Variants in SLC41A3 observed in about 807,000 individuals in gnomAD.
The protein encoded by SLC41A3 is solute carrier family 41 member 3.
A neutral mutation model predicts 45.4 loss-of-function variants in SLC41A3; 44 were observed. The ratio of observed to expected loss-of-function variants is 0.97; its 90% CI spans 0.76 to 1.25. SLC41A3 has a LOEUF of 1.25. SLC41A3 is among the 50% of genes most tolerant of loss of function. The pLI is 0.00. For missense variants in SLC41A3, 550 were observed against 600.6 expected, an observed-to-expected ratio of 0.92 and a Z score of 0.88; for synonymous variants, 256 against 252.4, an observed-to-expected ratio of 1.01 and a Z score of -0.13.
intron 2 of SLC41A3, among the ~76,000 whole-genome samples, chr3:126,059,650 C>T (rs1042386210): frequency 7.2e-5 from 11 of 152,160 alleles, no homozygotes; most frequent in African/African-American, 2.7e-4. Flanking sequence ...GGGCTGCCTG[C>T]CAACCCCATC....
In SLC41A3 at chr3:126,006,446, A is replaced by G. The variant is rs1939102759; in HGVS notation, c.*570T>C. On this transcript the variant is annotated 3_prime_UTR_variant, in exon 11 of 11. Coordinates refer to ENST00000360370, the MANE Select transcript of SLC41A3 (RefSeq NM_017836.4). ...TTGCTAACAAACAAAAAGGAAAATA[A>G]AAAGACAGCAAGGACACGATTAAAT... is the stretch of plus-strand genomic sequence containing the variant. 6.2e-7 allele frequency: 1 copy of G among 1,612,762 alleles called. No homozygotes were observed.
At chr3:126,073,231 A>G (rs999033709) in intron 1 of SLC41A3, 1 of 152,340 alleles carries the variant, frequency 6.6e-6, no homozygotes, top group Non-Finnish European at 1.5e-5. Context: ...GCTTGAGCTC[A>G]GGAGTTGAAG....
At chr3:126,082,757 G>A (rs1945226841) in intron 1 of SLC41A3, among the ~76,000 whole-genome samples, 1 of 152,178 alleles carries the variant, frequency 6.6e-6, no homozygotes, top group African/African-American at 2.4e-5. Flanking sequence ...CGGGGACCTG[G>A]ACCCAGCAGC....
At chr3:126,031,826 G>C (rs1249686593) in intron 4 of SLC41A3, among the ~76,000 whole-genome samples, 6 of 152,206 alleles carry the variant, frequency 3.9e-5, no homozygotes, top group African/African-American at 1.4e-4. Context: ...CCCCTTGCTA[G>C]ACCTTGTGTT....
chr3:126,017,853 C>T (rs1468117861), intron 6 of SLC41A3, among the ~76,000 whole-genome samples: 3 of 152,194 alleles, frequency 2.0e-5, no homozygotes, highest in Admixed American at 1.3e-4. Flanking sequence ...AGACAAGGTA[C>T]TTTATGGTAG....
chr3:126,090,028 C>CTTTTTTTTTTTTTTTTTTTTTT (rs59737864), intron 1 of SLC41A3, among the ~76,000 whole-genome samples: 2 of 99,334 alleles, frequency 2.0e-5, no homozygotes, highest in Non-Finnish European at 2.0e-5. Context: ...TCAAGAAAAT[C>CTTTTTTTTTTTTTTTTTTTTTT]TTTTTTTTTT....
chr3:126,015,378 G>A, intron 8 of SLC41A3, 116 bp downstream of exon 8: 1 of 1,006,378 alleles, frequency 9.9e-7, no homozygotes, highest in Non-Finnish European at 1.5e-6. Context: ...CGGCTCAGCT[G>A]CCCAACTGCC....
At chr3:126,087,289 C>T (rs1490536600), upstream of SLC41A3, among the ~76,000 whole-genome samples, 1 of 152,000 alleles carries the variant, frequency 6.6e-6, no homozygotes, top group East Asian at 1.9e-4. Flanking sequence ...AAATTCACAG[C>T]TATAAAAATG....
chr3:126,054,611 T>G (rs1243493777), intron 2 of SLC41A3, among the ~76,000 whole-genome samples: 2 of 151,760 alleles, frequency 1.3e-5, no homozygotes, highest in Admixed American at 1.3e-4. Flanking sequence ...CAAATCCCTC[T>G]GCTTGGAATG....
chr3:126,069,729 T>C (rs1944529122), intron 1 of SLC41A3, among the ~76,000 whole-genome samples: 1 of 152,220 alleles, frequency 6.6e-6, no homozygotes, highest in African/African-American at 2.4e-5. Context: ...AAAGAAAAGT[T>C]TCAGAATGAT....
At chr3:126,095,134 T>A in intron 1 of SLC41A3, 1 of 595,438 alleles carries the variant, frequency 1.7e-6, no homozygotes, top group Non-Finnish European at 3.0e-6. Context: ...AACAAAAAAT[T>A]GGGAAATAGG....
upstream of SLC41A3, among the ~76,000 whole-genome samples, chr3:126,088,907 T>C (rs1423772976): frequency 6.6e-6 from 1 of 152,078 alleles, no homozygotes; most frequent in Non-Finnish European, 1.5e-5. Flanking sequence ...CACTAATGAG[T>C]ATATATGATC....
upstream of SLC41A3, chr3:126,084,207 C>CG (rs967255412): frequency 2.0e-5 from 3 of 151,978 alleles, no homozygotes; most frequent in African/African-American, 7.2e-5. Context: ...CCCGGCCGGG[C>CG]GGCCGGACCT....
upstream of SLC41A3, among the ~76,000 whole-genome samples, chr3:126,088,654 C>A (rs1217295018): frequency 6.6e-6 from 1 of 152,070 alleles, no homozygotes; most frequent in Non-Finnish European, 1.5e-5. Context: ...CAAAAGTTAA[C>A]TCAGACCTGT....
chr3:126,016,195 G>A (rs1484057828), intron 7 of SLC41A3, among the ~76,000 whole-genome samples: 1 of 152,272 alleles, frequency 6.6e-6, no homozygotes, highest in Non-Finnish European at 1.5e-5. Context: ...CAGGAAATGA[G>A]CCTTGAGAGG....
intron 4 of SLC41A3, among the ~76,000 whole-genome samples, chr3:126,028,754 AG>A (rs1941568947): frequency 6.6e-6 from 1 of 152,276 alleles, no homozygotes; most frequent in East Asian, 1.9e-4. Flanking sequence ...AGCAGCAGAC[AG>A]GGCGGAACCC....
At chr3:126,014,985 C>G (rs1342149340) in intron 8 of SLC41A3, among the ~76,000 whole-genome samples, 1 of 152,172 alleles carries the variant, frequency 6.6e-6, no homozygotes, top group African/African-American at 2.4e-5. Context: ...CTGGATCTGT[C>G]TCAGGCACTG....
At chr3:126,072,140 G>A (rs1421070647) in intron 1 of SLC41A3, among the ~76,000 whole-genome samples, 1 of 152,060 alleles carries the variant, frequency 6.6e-6, no homozygotes, top group African/African-American at 2.4e-5. Context: ...ATTTCTTTGA[G>A]ATGAATGAAA....
chr3:126,054,778 C>T (rs1943554632), intron 2 of SLC41A3, among the ~76,000 whole-genome samples: 1 of 152,036 alleles, frequency 6.6e-6, no homozygotes, highest in South Asian at 2.1e-4. Flanking sequence ...CACTCCCTGC[C>T]CAGCCCTCCG....
Sources: gnomAD v4.1 joint callset for allele counts (sites outside exome capture counted in the v4.1 genomes callset) on GRCh38, gnomAD v4.1.1 for gene constraint, MANE v1.5 for transcripts, NCBI Gene and HGNC (gene_info 2026-07-23, HGNC 2026-07-21) for gene names.